The following KAZN variants were observed in gnomAD, a reference collection of about 807,000 sequenced individuals.
The protein encoded by KAZN is kazrin.
A neutral mutation model predicts 87.4 loss-of-function variants in KAZN; 40 were observed. The ratio of observed to expected loss-of-function variants is 0.46; its 90% confidence interval spans 0.36 to 0.60. KAZN has a LOEUF of 0.60. KAZN is among the 20% of genes least tolerant of loss of function. KAZN has a pLI of 0.00. For synonymous variants in KAZN, 466 were observed against 458.3 expected (o/e 1.02, Z -0.22); for missense variants, 898 against 1,073.9 (o/e 0.84, Z 2.29).
At position 15,056,055 on chromosome 1, in the gene KAZN, C is replaced by G. The variant is rs777702575; in HGVS notation, c.727-36C>G. ...CAGCTGGCCAAGAGTTCCCCTTGAT[C>G]ATGACTTCTTCTTCCTGTCTTCTTG... On this transcript the variant is annotated intron_variant, in intron 4 of 14. Coordinates refer to ENST00000376030, the MANE Select transcript of KAZN (RefSeq NM_201628.3). This position sits in a 1 kb window ranked among gnomAD's most constrained non-coding sequence, Gnocchi z 5.4. The G allele has an allele frequency of 1.3e-6, 2 of 1,573,160 alleles. No individual in the cohort carries two copies. Among genetic ancestry groups the G allele is most frequent in the Non-Finnish European group, 1.7e-6 (2 of 1,150,816 alleles).
chr1:14,070,556 T>TA (rs113303277), intron 1 of KAZN, among the ~76,000 whole-genome samples: 5,842 of 152,218 alleles, frequency 0.038, 370 homozygotes, highest in African/African-American at 0.13. Flanking sequence ...CATCCCACTG[T>TA]AAAAAAAGTC....
intron 2 of KAZN, among the ~76,000 whole-genome samples, chr1:14,324,664 G>T (rs978755094): frequency 2.0e-5 from 3 of 151,988 alleles, no homozygotes; most frequent in African/African-American, 4.8e-5. Context: ...TCTGCAAAGG[G>T]GGGGAAGTAC....
chr1:14,234,552 A>C (rs918031653), intron 2 of KAZN, among the ~76,000 whole-genome samples: 2 of 151,886 alleles, frequency 1.3e-5, no homozygotes, highest in Admixed American at 1.3e-4. Flanking sequence ...TTAAAGTATA[A>C]TAATAATAAT....
At chr1:14,214,495 A>G (rs1646919102) in intron 2 of KAZN, among the ~76,000 whole-genome samples, 1 of 152,220 alleles carries the variant, frequency 6.6e-6, no homozygotes, top group South Asian at 2.1e-4. Context: ...CTTACTCTAC[A>G]GCTTCCAATA....
intron 1 of KAZN, among the ~76,000 whole-genome samples, chr1:14,068,880 C>T (rs994848063): frequency 5.9e-5 from 9 of 151,358 alleles, no homozygotes; most frequent in African/African-American, 2.2e-4. Flanking sequence ...CTTACTGCAA[C>T]CTCTGCCTCC....
At position 14,798,281 on chromosome 1, in the gene KAZN, A is replaced by G. The variant is rs534453885; in HGVS notation, c.227-162403A>G. On this transcript the variant is annotated intron_variant, in intron 1 of 14. Transcript: ENST00000376030. ...GGGCTCACTCTCTCCTGGAGCCCAC[A>G]CTTACAAAGTAGAACATAATTAAGT... is the stretch of plus-strand genomic sequence containing the variant. 3.3e-5 allele frequency among the ~76,000 whole-genome samples: 5 copies of G among 152,274 alleles called. No individual in the cohort carries two copies. The East Asian group carries it at 7.7e-4, about 24-fold the overall frequency.
chr1:14,177,755 GT>G (rs1299681083), intron 1 of KAZN, among the ~76,000 whole-genome samples: 1 of 149,666 alleles, frequency 6.7e-6, no homozygotes, highest in Non-Finnish European at 1.5e-5. Context: ...AGGGGAGCTG[GT>G]TGATTTTAAG....
intron 1 of KAZN, among the ~76,000 whole-genome samples, chr1:14,044,159 G>T (rs1641958835): frequency 6.6e-6 from 1 of 151,992 alleles, no homozygotes; most frequent in Non-Finnish European, 1.5e-5. Flanking sequence ...TCTGACTCCA[G>T]AACCTGCTTG....
intron 1 of KAZN, among the ~76,000 whole-genome samples, chr1:14,707,343 C>T (rs1642262224): frequency 6.6e-6 from 1 of 152,182 alleles, no homozygotes; most frequent in Non-Finnish European, 1.5e-5. Context: ...ACCACGGCAC[C>T]TAGTGAAGGG....
intron 2 of KAZN, among the ~76,000 whole-genome samples, chr1:14,987,861 G>C (rs932475309): frequency 1.3e-5 from 2 of 152,192 alleles, no homozygotes; most frequent in African/African-American, 2.4e-5. Context: ...CAGGCCGTTG[G>C]ACTCTTCTAG....
In KAZN at chr1:14,883,354, GAAAA is replaced by G. The variant is rs1406196747; in HGVS notation, c.227-77329_227-77326del. Among the ~76,000 whole-genome samples, 14 of 16,230 alleles carry G rather than the reference GAAAA, an allele frequency of 8.6e-4. 1 individual carries two copies. The highest frequency in any genetic ancestry group is 1.4e-3 in the Admixed American group (2 of 1,410). The allele number at this position is 16,230 out of a possible 152,430, so 10.6% of individuals were successfully genotyped here. ...AGAGAGAGAGAGAGAAAGAAAGAAA[GAAAA>G]GAAAGAAAGAAAGAAAGAAAGAAAG... On this transcript the variant is annotated intron_variant, in intron 1 of 14. Transcript: ENST00000376030.
intron 1 of KAZN, among the ~76,000 whole-genome samples, chr1:13,992,793 T>C (rs1229469779): frequency 2.0e-5 from 3 of 152,136 alleles, no homozygotes; most frequent in African/African-American, 7.2e-5. Flanking sequence ...CTTCTGAACA[T>C]ATTAGAGGAG....
chr1:14,582,315 G>A (rs2148564837), intron 2 of KAZN, among the ~76,000 whole-genome samples: 1 of 152,264 alleles, frequency 6.6e-6, no homozygotes, highest in South Asian at 2.1e-4. Context: ...CTTAAAGTGG[G>A]CATCAAGAAG....
At chr1:14,079,478 G>T (rs1643590723) in intron 1 of KAZN, among the ~76,000 whole-genome samples, 1 of 152,160 alleles carries the variant, frequency 6.6e-6, no homozygotes. Context: ...TCTTTGGCCA[G>T]CAACTGTTCC....
At chr1:14,408,394 C>T (rs556671725) in intron 2 of KAZN, among the ~76,000 whole-genome samples, 1 of 152,264 alleles carries the variant, frequency 6.6e-6, no homozygotes, top group African/African-American at 2.4e-5. Flanking sequence ...CTGTAGATCC[C>T]ATAGATTCAG....
At chr1:14,142,413 T>C (rs1456016307) in intron 1 of KAZN, among the ~76,000 whole-genome samples, 1 of 152,228 alleles carries the variant, frequency 6.6e-6, no homozygotes, top group Non-Finnish European at 1.5e-5. Context: ...TCTTAGCTTT[T>C]GGAAATATGT....
At chr1:13,986,955 A>G (rs1056566955) in intron 1 of KAZN, among the ~76,000 whole-genome samples, 3 of 152,182 alleles carry the variant, frequency 2.0e-5, no homozygotes, top group African/African-American at 7.2e-5. Context: ...GCCTGAGTGT[A>G]GGTTACATAC....
chr1:14,279,578 G>A (rs1241818758), intron 2 of KAZN, among the ~76,000 whole-genome samples: 1 of 152,158 alleles, frequency 6.6e-6, no homozygotes, highest in African/African-American at 2.4e-5. Flanking sequence ...CATACAAGTG[G>A]TACCTTGGTC....
intron 1 of KAZN, among the ~76,000 whole-genome samples, chr1:14,008,518 T>A (rs1324535704): frequency 1.3e-5 from 2 of 152,186 alleles, no homozygotes; most frequent in Non-Finnish European, 2.9e-5. Context: ...AACTAATGTG[T>A]GTCAAACCCA....
Sources: allele counts gnomAD v4.1 joint callset (sites outside exome capture counted in the v4.1 genomes callset), GRCh38; gene constraint gnomAD v4.1.1; non-coding constraint Gnocchi (gnomAD v3.1); transcripts MANE v1.5; gene names NCBI Gene and HGNC (gene_info 2026-07-23, HGNC 2026-07-21).